Variants in BMPR2 observed in about 807,000 individuals in gnomAD.
The protein encoded by BMPR2 is bone morphogenetic protein receptor type-2.
BMPR2 carries 29 observed loss-of-function variants against 100.8 expected under a neutral mutation model. The observed-to-expected ratio is 0.29, with a 90% confidence interval of 0.21 to 0.39. BMPR2 has a LOEUF of 0.39. Ranked by LOEUF, BMPR2 falls within the 10% of genes least tolerant of loss-of-function variation. BMPR2 has a pLI of 1.00. For synonymous variants in BMPR2, 382 were observed against 442.3 expected, an observed-to-expected ratio of 0.86 and a Z score of 1.71; for missense variants, 1,011 against 1,274.5, an observed-to-expected ratio of 0.79 and a Z score of 3.15.
intron 7 of BMPR2, 55 bp downstream of exon 7, chr2:202,520,256 G>C: frequency 8.3e-7 from 1 of 1,205,288 alleles, no homozygotes; most frequent in Non-Finnish European, 1.2e-6. Flanking sequence ...ATTCACAACA[G>C]GAAATTTTAA....
intron 10 of BMPR2, among the ~76,000 whole-genome samples, chr2:202,545,135 A>T (rs1357555931): frequency 4.9e-5 from 3 of 61,596 alleles, no homozygotes. Flanking sequence ...ATATTGTACC[A>T]CCTGACATTC....
intron 1 of BMPR2, among the ~76,000 whole-genome samples, chr2:202,426,467 G>A (rs1691387098): frequency 6.6e-6 from 1 of 150,512 alleles, no homozygotes; most frequent in Non-Finnish European, 1.5e-5. Flanking sequence ...TGTAATCCCA[G>A]GTACTCAGGA....
At chr2:202,412,496 T>G (rs914890251) in intron 1 of BMPR2, among the ~76,000 whole-genome samples, 1 of 152,130 alleles carries the variant, frequency 6.6e-6, no homozygotes, top group Non-Finnish European at 1.5e-5. Flanking sequence ...TTTTTTTGTA[T>G]TTTTAGTAGA....
chr2:202,534,320 T>A lies in BMPR2; in HGVS notation c.1276+1588T>A, dbSNP rs1052835844. Among the ~76,000 whole-genome samples, 6 of 151,780 alleles carry A rather than the reference T, an allele frequency of 4.0e-5. No individual in the cohort carries two copies. In the South Asian group the frequency reaches 8.3e-4, roughly 21 times the overall value. Reference sequence around the variant, plus strand: ...TGTTTCTCACAGAGGGGGATTTGGCTGGGTCATAGGACAATAGTGGAGGGA... The same window carrying A: ...TGTTTCTCACAGAGGGGGATTTGGCAGGGTCATAGGACAATAGTGGAGGGA... On this transcript the variant is annotated intron_variant, in intron 9 of 12. Transcript: ENST00000374580.
At chr2:202,531,041 G>T (rs1279838402) in intron 8 of BMPR2, 87 bp downstream of exon 8, 11 of 1,496,210 alleles carry the variant, frequency 7.4e-6, no homozygotes, top group Admixed American at 5.3e-5. Context: ...GGTGGCTCAC[G>T]CCTGTAATCC....
At chr2:202,514,223 C>T (rs1048809352) in intron 4 of BMPR2, among the ~76,000 whole-genome samples, 1 of 152,092 alleles carries the variant, frequency 6.6e-6, no homozygotes, top group African/African-American at 2.4e-5. Context: ...GCAGGCTCCG[C>T]CCCCCAGGGT....
chr2:202,449,106 C>T (rs1052660874), intron 1 of BMPR2, among the ~76,000 whole-genome samples: 7 of 151,838 alleles, frequency 4.6e-5, no homozygotes, highest in Non-Finnish European at 8.8e-5. Context: ...GTCGGGAGTT[C>T]GAGACCAGCC....
At chr2:202,511,487 ACT>A (rs1687622979) in intron 3 of BMPR2, among the ~76,000 whole-genome samples, 6 of 152,140 alleles carry the variant, frequency 3.9e-5, no homozygotes, top group Non-Finnish European at 7.4e-5. Flanking sequence ...GAACTCACAA[ACT>A]GTTTTCTACT....
intron 1 of BMPR2, among the ~76,000 whole-genome samples, chr2:202,460,429 T>C (rs1692203928): frequency 6.6e-6 from 1 of 152,148 alleles, no homozygotes; most frequent in Non-Finnish European, 1.5e-5. Context: ...ATATCCATGC[T>C]ATGGAGAAAA....
At chr2:202,385,360 G>GTTTTTTTTT (rs1690404553) in intron 1 of BMPR2, among the ~76,000 whole-genome samples, 5 of 110,376 alleles carry the variant, frequency 4.5e-5, no homozygotes, top group African/African-American at 7.0e-5. Flanking sequence ...AAAAAAAGAT[G>GTTTTTTTTT]CTTTTTTTTT....
intron 1 of BMPR2, among the ~76,000 whole-genome samples, chr2:202,442,990 T>C (rs986147986): frequency 2.7e-5 from 4 of 150,526 alleles, no homozygotes; most frequent in Non-Finnish European, 5.9e-5. Context: ...AGATAAGGCC[T>C]GTAAGGAGGT....
intron 10 of BMPR2, 141 bp downstream of exon 10, chr2:202,542,588 G>T: frequency 1.4e-5 from 16 of 1,113,220 alleles, no homozygotes; most frequent in East Asian, 5.3e-5. Flanking sequence ...TTTTTATGAT[G>T]TTTTCAAATT....
At chr2:202,462,410 G>A (rs1362545723) in intron 1 of BMPR2, among the ~76,000 whole-genome samples, 8 of 151,870 alleles carry the variant, frequency 5.3e-5, no homozygotes, top group African/African-American at 1.2e-4. Context: ...TAGTGGAGAC[G>A]GGGTTTCACC....
chr2:202,471,503 T>C (rs1056549807), intron 3 of BMPR2, among the ~76,000 whole-genome samples: 1 of 152,184 alleles, frequency 6.6e-6, no homozygotes. Flanking sequence ...CCATGATACC[T>C]AGAGAAGGAC....
At chr2:202,449,098 C>CGGGAGT (rs1691921044) in intron 1 of BMPR2, among the ~76,000 whole-genome samples, 1 of 151,624 alleles carries the variant, frequency 6.6e-6, no homozygotes. Flanking sequence ...CAGGCGAGGT[C>CGGGAGT]GGGAGTTCGA....
chr2:202,388,701 T>A (rs1486628120), intron 1 of BMPR2, among the ~76,000 whole-genome samples: 4 of 148,886 alleles, frequency 2.7e-5, no homozygotes, highest in Non-Finnish European at 5.9e-5. Context: ...GGCAGAAGAA[T>A]CCCTTGAACC....
chr2:202,457,125 T>TCTACCTAC (rs141532724), intron 1 of BMPR2, among the ~76,000 whole-genome samples: 1 of 152,090 alleles, frequency 6.6e-6, no homozygotes, highest in Non-Finnish European at 1.5e-5. Flanking sequence ...TTATTATCTA[T>TCTACCTAC]CTACCTACCT....
chr2:202,461,131 G>A (rs549985182), intron 1 of BMPR2, among the ~76,000 whole-genome samples: 2 of 152,030 alleles, frequency 1.3e-5, no homozygotes, highest in African/African-American at 4.8e-5. Context: ...GGCACAAGAC[G>A]CTGCACTCGG....
At position 202,536,662 on chromosome 2, in the gene BMPR2, C is replaced by T. The variant is rs1337114654; in HGVS notation, c.1276+3930C>T. Among the ~76,000 whole-genome samples the T allele has an allele frequency of 7.2e-5, 11 of 151,990 alleles. No individual in the cohort carries two copies. In the East Asian group the frequency reaches 1.8e-3, roughly 24 times the overall value. On this transcript the variant is annotated intron_variant, in intron 9 of 12. Transcript: ENST00000374580. ...CCGAGGCAAGTGTATCACCTGAGGT[C>T]GGGAGTTCAAGACCAGCCTGACCAA...
Sources: gnomAD v4.1 joint callset for allele counts (sites outside exome capture counted in the v4.1 genomes callset) on GRCh38, gnomAD v4.1.1 for gene constraint, MANE v1.5 for transcripts, NCBI Gene and HGNC (gene_info 2026-07-23, HGNC 2026-07-21) for gene names.